The following RASGRP2 variants were observed in gnomAD, a reference collection of about 807,000 sequenced individuals.
The protein encoded by RASGRP2 is RAS guanyl releasing protein 2, also known as RAS guanyl-releasing protein 2.
A neutral mutation model predicts 71.0 loss-of-function variants in RASGRP2; 44 were observed. The observed-to-expected ratio is 0.62, with a 90% CI of 0.49 to 0.80. The LOEUF (loss-of-function observed/expected upper bound fraction) is 0.80, where lower values mean the gene tolerates loss of function less well. Among genes scored for constraint, RASGRP2 ranks in the 30% least tolerant of loss-of-function variants. The probability of loss-of-function intolerance (pLI) is 0.00; values close to 1 mark genes in which losing one functional copy is unlikely to be tolerated. For missense variants in RASGRP2, 663 were observed against 813.4 expected (o/e 0.82, Z 2.25); for synonymous variants, 350 against 330.7 (o/e 1.06, Z -0.63).
Position 64,739,816 on chromosome 11 carries a change from G to T in RASGRP2, c.523-7C>A. ...AACTGTGATAGTCCTGAAACTGGGG[G>T]CATGAGGAGTGGCCTCAGCACCTTG... On this transcript the variant is annotated splice_region_variant and splice_polypyrimidine_tract_variant and intron_variant, in intron 6 of 16. Coordinates refer to ENST00000394432, the MANE Select transcript of RASGRP2 (RefSeq NM_001098671.2). This position sits in a 1 kb window ranked among gnomAD's most constrained non-coding sequence, Gnocchi z 4.2. 6.2e-7 allele frequency: 1 copy of T among 1,613,582 alleles called. No individual in the cohort carries two copies. Among genetic ancestry groups the T allele is most frequent in the Non-Finnish European group, 8.5e-7 (1 of 1,179,870 alleles).
At chr11:64,745,144 C>T (rs2135815198), upstream of RASGRP2, 1 of 152,090 alleles carries the variant, frequency 6.6e-6, no homozygotes, top group Non-Finnish European at 1.5e-5. Context: ...CCCCCAACCG[C>T]GGACGCCCCA....
rs1050610536 is a variant in RASGRP2 at position 64,730,132 on chromosome 11, C to A, written c.1475G>T (p.Gly492Val). Residue 492 changes from glycine (G) to valine (V), a missense_variant, in exon 13 of 17, where the codon GGG becomes GTG. Gly to Val is a moderately radical substitution (Grantham distance 109). Coordinates refer to ENST00000394432, the MANE Select transcript of RASGRP2 (RefSeq NM_001098671.2). ...SYFLRSSSVL[G>V]GRMGFVHNFQ... ...GTTGTGTACGAAGCCCATGCGCCCC[C>A]CCAACACAGAGCTGGAGCGCAGGAA... 2.6e-6 allele frequency: 4 copies of A among 1,551,338 alleles called. No homozygotes were observed. The highest frequency in any genetic ancestry group is 3.5e-6 in the Non-Finnish European group (4 of 1,147,040).
At chr11:64,737,144 G>GT in intron 8 of RASGRP2, 110 bp from the exon 9 acceptor site, 1 of 1,341,092 alleles carries the variant, frequency 7.5e-7, no homozygotes. Context: ...AGGTGAAAGA[G>GT]TAAAAACCTC....
intron 3 of RASGRP2, 22 bp downstream of exon 3, chr11:64,741,988 T>G: frequency 6.3e-7 from 1 of 1,595,150 alleles, no homozygotes; most frequent in Non-Finnish European, 8.5e-7. Flanking sequence ...GCGGGGGCCT[T>G]GGCAAGGCCG....
chr11:64,737,142 G>A, intron 8 of RASGRP2, 108 bp from the exon 9 acceptor site: 1 of 1,381,004 alleles, frequency 7.2e-7, no homozygotes, highest in Non-Finnish European at 1.0e-6. Context: ...ACAGGTGAAA[G>A]AGTAAAAACC....
At chr11:64,744,267 C>A, upstream of RASGRP2, 1 of 985,674 alleles carries the variant, frequency 1.0e-6, no homozygotes, top group Non-Finnish European at 1.2e-6. Context: ...CCCTGACTCC[C>A]CTCACTCCCA....
intron 12 of RASGRP2, among the ~76,000 whole-genome samples, chr11:64,732,426 A>G (rs1443173757): frequency 6.6e-6 from 1 of 152,234 alleles, no homozygotes; most frequent in Admixed American, 6.5e-5. Flanking sequence ...CGGGAGGCCG[A>G]GGCGGGCGGA....
chr11:64,733,633 G>A (rs2057834486), intron 12 of RASGRP2, among the ~76,000 whole-genome samples: 1 of 152,048 alleles, frequency 6.6e-6, no homozygotes, highest in Non-Finnish European at 1.5e-5. Flanking sequence ...AAGCAGCTAT[G>A]ATAAAAGCCA....
chr11:64,735,375 C>CA lies in RASGRP2; in HGVS notation c.1297-149dup, dbSNP rs1565507509. The CA allele has an allele frequency of 2.9e-6, 4 of 1,363,436 alleles. No individual in the cohort carries two copies. 84.5% of individuals were successfully genotyped at this position (1,363,436 alleles called of 1,614,324 possible). ...CACCCCCGTTCCATACCTCCACCCCCACCCTACCCAGGGGCACTTCAGCCC... is the reference window on the plus strand; with the variant it reads ...CACCCCCGTTCCATACCTCCACCCCCAACCCTACCCAGGGGCACTTCAGCCC... On this transcript the variant is annotated intron_variant, in intron 11 of 16. Coordinates refer to ENST00000394432, the MANE Select transcript of RASGRP2 (RefSeq NM_001098671.2). The surrounding 1 kb of genome is among the most constrained non-coding windows in gnomAD (Gnocchi z 4.2).
chr11:64,730,345 G>A lies in RASGRP2; in HGVS notation c.1413-151C>T, dbSNP rs1046849434. On this transcript the variant is annotated intron_variant, in intron 12 of 16. Transcript: ENST00000394432. ...AAAGAAAAGGCGGCACTGGACTAGG[G>A]GTCAGGCAGATGTGGGAAGTGCCGC... The A allele has an allele frequency of 9.1e-6, 9 of 990,672 alleles. No individual in the cohort carries two copies. The East Asian group carries it at 1.8e-4, about 20-fold the overall frequency. The allele number at this position is 990,672 out of a possible 1,614,324, so 61.4% of individuals were successfully genotyped here.
chr11:64,727,613 A>G (rs1472026432), intron 15 of RASGRP2, among the ~76,000 whole-genome samples: 1 of 150,318 alleles, frequency 6.7e-6, no homozygotes, highest in African/African-American at 2.5e-5. Context: ...CCCAGGTTCA[A>G]GCGATTCTCG....
rs1280493020 is a variant in RASGRP2 at position 64,742,846 on chromosome 11, C to T, written c.21G>A (p.Leu7=). 1.2e-6 allele frequency: 2 copies of T among 1,604,712 alleles called. No homozygotes were observed. The highest frequency in any genetic ancestry group is 1.7e-6 in the Non-Finnish European group (2 of 1,177,428). The part of the protein sequence containing the change: MAGTLD[L]DKGCTVEELL... The stretch of plus-strand genomic sequence containing the variant: ...GCTCCTCCACCGTGCAGCCCTTGTC[C>T]AGGTCCAGGGTGCCTGCCATGGCCG... The change falls in exon 2 of 17, where the codon CTG becomes CTA. Residue 7 remains leucine, a synonymous_variant. Transcript: ENST00000394432. The surrounding 1 kb of genome is among the most constrained non-coding windows in gnomAD (Gnocchi z 4.7).
rs2058043188 is a variant in RASGRP2 at position 64,739,274 on chromosome 11, ACAGCTGTGC to A, written c.813+77_813+85del. The stretch of plus-strand genomic sequence containing the variant: ...CCATTTCCATATCTATCAAATGAGG[ACAGCTGTGC>A]CCAGCCCCCAGTGCTGCTGGGAGGA... On this transcript the variant is annotated intron_variant, in intron 8 of 16. Transcript: ENST00000394432. The surrounding 1 kb of genome is among the most constrained non-coding windows in gnomAD (Gnocchi z 4.2). 3.1e-5 allele frequency: 32 copies of A among 1,023,602 alleles called. 1 individual carries two copies. Among genetic ancestry groups the A allele is most frequent in the South Asian group, 3.1e-4 (24 of 77,770 alleles). 63.4% of individuals were successfully genotyped at this position (1,023,602 alleles called of 1,614,324 possible).
chr11:64,729,713 C>CAAACA, intron 14 of RASGRP2, 49 bp downstream of exon 14: 1 of 1,579,120 alleles, frequency 6.3e-7, no homozygotes. Flanking sequence ...AACAAACAAA[C>CAAACA]AAAAAAAAAA....
At position 64,735,773 on chromosome 11, in the gene RASGRP2, C is replaced by T; in HGVS notation, c.1174-109G>A. 6.7e-7 allele frequency: 1 copy of T among 1,493,718 alleles called. No individual in the cohort carries two copies. Among genetic ancestry groups the T allele is most frequent in the Non-Finnish European group, 9.1e-7 (1 of 1,095,182 alleles). 92.5% of individuals were successfully genotyped at this position (1,493,718 alleles called of 1,614,324 possible). A position where few individuals can be genotyped will look rare whatever the true frequency, so the allele number is the denominator to read the frequency against. On this transcript the variant is annotated intron_variant, in intron 10 of 16. Coordinates refer to ENST00000394432, the MANE Select transcript of RASGRP2 (RefSeq NM_001098671.2). This position sits in a 1 kb window ranked among gnomAD's most constrained non-coding sequence, Gnocchi z 4.2. ...GAGGGAAGTCTGCCCAACACTACTG[C>T]CCTACCCCCAGGATGCCTCTGTCCT...
intron 3 of RASGRP2, 72 bp from the exon 4 acceptor site, chr11:64,741,573 G>A (rs554237673): frequency 2.2e-6 from 3 of 1,357,380 alleles, no homozygotes; most frequent in Non-Finnish European, 3.1e-6. Context: ...CTGGGGGCGG[G>A]GCCTGGTTCT....
In RASGRP2 at chr11:64,742,211, C is replaced by A. The variant is rs913327064; in HGVS notation, c.74-99G>T. ...CCGCCAGGTATCGGTCCTTCGGGTGCACGCTCGACCCCGCCCACCTCCTGC... is the reference window on the plus strand; with the variant it reads ...CCGCCAGGTATCGGTCCTTCGGGTGAACGCTCGACCCCGCCCACCTCCTGC... On this transcript the variant is annotated intron_variant, in intron 2 of 16. Transcript: ENST00000394432. The surrounding 1 kb of genome is among the most constrained non-coding windows in gnomAD (Gnocchi z 4.7). 48 of 900,630 alleles carry A rather than the reference C, an allele frequency of 5.3e-5. No homozygotes were observed. The African/African-American group carries it at 7.8e-4, about 15-fold the overall frequency. The allele number at this position is 900,630 out of a possible 1,614,324, so 55.8% of individuals were successfully genotyped here. A position where few individuals can be genotyped will look rare whatever the true frequency, so the allele number is the denominator to read the frequency against.
chr11:64,741,573 G>C lies in RASGRP2; in HGVS notation c.177-72C>G, dbSNP rs554237673. ...CTGCGTGGAGGGAGGCTGGGGGCGG[G>C]GCCTGGTTCTAGGAGACACGTTCTA... On this transcript the variant is annotated intron_variant, in intron 3 of 16. Coordinates refer to ENST00000394432, the MANE Select transcript of RASGRP2 (RefSeq NM_001098671.2). 2.7e-4 allele frequency: 366 copies of C among 1,357,380 alleles called. 1 individual carries two copies. The highest frequency in any genetic ancestry group is 1.9e-3 in the Middle Eastern group (10 of 5,284). 84.1% of individuals were successfully genotyped at this position (1,357,380 alleles called of 1,614,324 possible).
Position 64,729,048 on chromosome 11 carries a change from G to T in RASGRP2, c.1592-6C>A. ...GTGGCAGTTCACTCCACAGGCTGGG[G>T]GAGAGCAAATGGAGAGCCAGCCAGG... On this transcript the variant is annotated splice_region_variant and splice_polypyrimidine_tract_variant and intron_variant, in intron 14 of 16. Transcript: ENST00000394432. The T allele has an allele frequency of 1.3e-6, 2 of 1,590,766 alleles. No homozygotes were observed. Among genetic ancestry groups the T allele is most frequent in the Non-Finnish European group, 1.7e-6 (2 of 1,174,658 alleles).
Sources: gnomAD v4.1 joint callset for allele counts (sites outside exome capture counted in the v4.1 genomes callset) on GRCh38, gnomAD v4.1.1 for gene constraint, Gnocchi (gnomAD v3.1) non-coding constraint, MANE v1.5 for transcripts, NCBI Gene and HGNC (gene_info 2026-07-23, HGNC 2026-07-21) for gene names.